The following XAF1 variants were observed in gnomAD, a reference collection of about 807,000 sequenced individuals.
The protein encoded by XAF1 is XIAP associated factor 1.
XAF1 carries 32 observed loss-of-function variants against 32.3 expected under a neutral mutation model. The ratio of observed to expected loss-of-function variants is 0.99; its 90% CI spans 0.75 to 1.33. The LOEUF (loss-of-function observed/expected upper bound fraction) is 1.33. Among genes scored for constraint, XAF1 ranks in the 40% most tolerant of loss-of-function variants. The probability of loss-of-function intolerance (pLI) is 0.00; values close to 1 mark genes in which losing one functional copy is unlikely to be tolerated. For synonymous variants in XAF1, 120 were observed against 125.9 expected (o/e 0.95, Z 0.31); for missense variants, 379 against 366.0 (o/e 1.04, Z -0.29).
At chr17:6,758,429 T>G (rs1597715119) in intron 2 of XAF1, 1 of 728,420 alleles carries the variant, frequency 1.4e-6, no homozygotes, top group East Asian at 2.9e-5. Flanking sequence ...CAGTCCTCTC[T>G]GCAGGTGAGA....
chr17:6,765,445 T>A lies in XAF1; in HGVS notation c.507+3205T>A, dbSNP rs181601930. 9.3e-3 allele frequency among the ~76,000 whole-genome samples: 1,418 copies of A among 152,246 alleles called. 19 individuals are homozygous for A. The highest frequency in any genetic ancestry group is 0.031 in the African/African-American group (1,299 of 41,546). Reference sequence around the variant, plus strand: ...AGATAAATAAATAAAAATTTAAAAATTTTTTAAAAAGCCATATGTAGTCAG... The same window carrying A: ...AGATAAATAAATAAAAATTTAAAAAATTTTTAAAAAGCCATATGTAGTCAG... On this transcript the variant is annotated intron_variant, in intron 5 of 6. Coordinates refer to ENST00000361842, the MANE Select transcript of XAF1 (RefSeq NM_017523.5).
chr17:6,755,514 C>T, upstream of XAF1: 1 of 989,858 alleles, frequency 1.0e-6, no homozygotes, highest in Non-Finnish European at 1.2e-6. Context: ...TAAGGACCCC[C>T]AGGAGGATAC....
At chr17:6,762,039 C>T (rs1418292075) in intron 4 of XAF1, 116 bp from the exon 5 acceptor site, 1 of 1,562,796 alleles carries the variant, frequency 6.4e-7, no homozygotes, top group African/African-American at 1.3e-5. Flanking sequence ...CAAGACCAGG[C>T]AGGTCCGGGG....
Position 6,770,733 on chromosome 17 carries a change from G to A in XAF1, c.598G>A (p.Glu200Lys), listed in dbSNP as rs1478852267. Residue 200 changes from glutamate (E) to lysine (K), a missense_variant, in exon 6 of 7, where the codon GAA becomes AAA. Transcript: ENST00000361842. ...TTCATCTCTTCCAAGTCAAGCTGCT[G>A]AAAATCAAACTTCCACGATGGAGAA... is the stretch of plus-strand genomic sequence containing the variant. Reference protein sequence around the residue: ...LPSSLPSQAAENQTSTMEKDV... With the variant: ...LPSSLPSQAAKNQTSTMEKDV... The A allele has an allele frequency of 1.2e-6, 2 of 1,613,980 alleles. No individual in the cohort carries two copies. The highest frequency in any genetic ancestry group is 2.2e-5 in the South Asian group (2 of 90,972).
chr17:6,757,982 C>T, intron 1 of XAF1, 107 bp from the exon 2 acceptor site: 1 of 1,477,310 alleles, frequency 6.8e-7, no homozygotes, highest in Non-Finnish European at 9.3e-7. Context: ...ATCACATGTT[C>T]AGTGCTTAAG....
At chr17:6,768,526 G>A (rs747010499) in intron 5 of XAF1, among the ~76,000 whole-genome samples, 1 of 152,072 alleles carries the variant, frequency 6.6e-6, no homozygotes, top group African/African-American at 2.4e-5. Flanking sequence ...CATCTCAGTA[G>A]CTTCTTCACC....
intron 6 of XAF1, chr17:6,772,854 G>T: frequency 4.4e-5 from 16 of 364,128 alleles, no homozygotes; most frequent in East Asian, 2.0e-4. Context: ...TTTTATTAAT[G>T]GCTGCCTAAG....
chr17:6,760,493 T>G lies in XAF1; in HGVS notation c.313T>G (p.Cys105Gly). ...LSKLELHESY[C>G]GSRTELCQGC... ...CAAGCTGGAGCTCCACGAGTCCTAC[T>G]GTGGCAGCCGGACAGAGCTCTGCCA... Residue 105 changes from cysteine (C) to glycine (G), a missense_variant, in exon 4 of 7, where the codon TGT (cysteine) becomes GGT (glycine). Cys to Gly is a radical substitution (Grantham distance 159, BLOSUM62 -3). Transcript: ENST00000361842. The G allele has an allele frequency of 6.2e-7, 1 of 1,613,546 alleles. No homozygotes were observed. Among genetic ancestry groups the G allele is most frequent in the African/African-American group, 1.3e-5 (1 of 75,038 alleles).
intron 1 of XAF1, 197 bp downstream of exon 1, chr17:6,756,307 C>G (rs573360369): frequency 7.2e-7 from 1 of 1,397,434 alleles, no homozygotes; most frequent in Non-Finnish European, 9.4e-7. Context: ...GCAGCATTAC[C>G]TCCACTTCAC....
chr17:6,758,058 A>G lies in XAF1; in HGVS notation c.33-31A>G, dbSNP rs535837199. The G allele has an allele frequency of 5.6e-4, 907 of 1,613,364 alleles. 14 individuals are homozygous for G. In the South Asian group the frequency reaches 9.3e-3, roughly 17 times the overall value. ...TGTTTTATAATATGAAAATAAGTCT[A>G]TTTTTCTATCCCCACACCTTGACCC... On this transcript the variant is annotated intron_variant, in intron 1 of 6. Transcript: ENST00000361842.
intron 1 of XAF1, among the ~76,000 whole-genome samples, chr17:6,756,719 A>C (rs1430907411): frequency 6.6e-6 from 1 of 152,150 alleles, no homozygotes; most frequent in Non-Finnish European, 1.5e-5. Context: ...CAACCAGCCC[A>C]GGAAGAGCAG....
At chr17:6,760,920 T>G (rs4796551) in intron 4 of XAF1, among the ~76,000 whole-genome samples, 1 of 151,926 alleles carries the variant, frequency 6.6e-6, no homozygotes, top group African/African-American at 2.4e-5. Context: ...TTTGGGAGGC[T>G]GAGGCGGGCA....
At chr17:6,771,595 C>G (rs1308167030) in intron 6 of XAF1, 1 of 152,184 alleles carries the variant, frequency 6.6e-6, no homozygotes, top group African/African-American at 2.4e-5. Context: ...AATAGGCATG[C>G]ATTTTATCTC....
intron 6 of XAF1, 83 bp from the exon 7 acceptor site, chr17:6,773,030 G>C (rs1044505378): frequency 8.1e-7 from 1 of 1,241,072 alleles, no homozygotes; most frequent in Non-Finnish European, 1.1e-6. Context: ...TCTGTAACAA[G>C]GGACAGCAAT....
chr17:6,768,324 T>C (rs1356393727), intron 5 of XAF1, among the ~76,000 whole-genome samples: 2 of 152,136 alleles, frequency 1.3e-5, no homozygotes, highest in Non-Finnish European at 2.9e-5. Context: ...GGCTTTTCCA[T>C]GTTGGCCAAG....
intron 5 of XAF1, among the ~76,000 whole-genome samples, chr17:6,766,696 G>C (rs969341351): frequency 1.3e-5 from 2 of 152,090 alleles, no homozygotes; most frequent in Non-Finnish European, 2.9e-5. Context: ...GTTTTACCTG[G>C]ACTTAATAAT....
In XAF1 at chr17:6,773,201, A is replaced by T. The variant is rs1976189087; in HGVS notation, c.*32A>T. 1 of 1,581,642 alleles carries T rather than the reference A, an allele frequency of 6.3e-7. No individual in the cohort carries two copies. Among genetic ancestry groups the T allele is most frequent in the African/African-American group, 1.4e-5 (1 of 73,022 alleles). ...AAAAGGAAAGGTACTACAAATTCAA[A>T]AGATTTCACTTTTAACACTGGCATT... On this transcript the variant is annotated 3_prime_UTR_variant, in exon 7 of 7. Transcript: ENST00000361842.
At chr17:6,767,363 AG>A (rs1474236851) in intron 5 of XAF1, among the ~76,000 whole-genome samples, 1 of 152,242 alleles carries the variant, frequency 6.6e-6, no homozygotes, top group Non-Finnish European at 1.5e-5. Flanking sequence ...TAAAAGGCAA[AG>A]GTTGATTTCT....
At chr17:6,755,652 G>C, upstream of XAF1, 1 of 1,031,752 alleles carries the variant, frequency 9.7e-7, no homozygotes. Flanking sequence ...GCTCAACATG[G>C]CAAGTTCCCT....
Sources: allele counts gnomAD v4.1 joint callset (sites outside exome capture counted in the v4.1 genomes callset), GRCh38; gene constraint gnomAD v4.1.1; transcripts MANE v1.5; gene names NCBI Gene and HGNC (gene_info 2026-07-23, HGNC 2026-07-21).